Variants in PTPN13 observed in about 807,000 individuals in gnomAD.
The protein encoded by PTPN13 is protein tyrosine phosphatase non-receptor type 13, also known as tyrosine-protein phosphatase non-receptor type 13.
In PTPN13, 191 loss-of-function variants were observed where a neutral mutation model predicts 284.0. The observed-to-expected ratio is 0.67, with a 90% CI of 0.60 to 0.76. The LOEUF is 0.76. Ranked by LOEUF, PTPN13 falls within the 30% of genes least tolerant of loss-of-function variation. The pLI, the probability that PTPN13 is intolerant of heterozygous loss-of-function variation, is 0.00. For synonymous variants in PTPN13, 986 were observed against 1,022.3 expected (o/e 0.96, Z 0.68); for missense variants, 2,797 against 2,939.9 (o/e 0.95, Z 1.12).
chr4:86,766,660 A>G (rs1284510927), intron 27 of PTPN13, 143 bp downstream of exon 27: 15 of 500,824 alleles, frequency 3.0e-5, no homozygotes, highest in Non-Finnish European at 4.6e-5. Context: ...TGGGTTGTTG[A>G]TTTTTCCTTC....
intron 40 of PTPN13, 111 bp from the exon 41 acceptor site, chr4:86,796,763 A>G: frequency 2.9e-6 from 2 of 695,758 alleles, no homozygotes; most frequent in East Asian, 5.6e-5. Context: ...TCTTTGTAAT[A>G]TAAGGATGAA....
chr4:86,653,668 A>G lies in PTPN13; in HGVS notation c.115+18297A>G, dbSNP rs562244797. On this transcript the variant is annotated intron_variant, in intron 2 of 47. Coordinates refer to ENST00000411767, the MANE Select transcript of PTPN13 (RefSeq NM_080683.3). The stretch of plus-strand genomic sequence containing the variant: ...ATAAAATACTCCAAACATAAATTCA[A>G]CATTGCATGCAGCAACTGGCCATTT... Among the ~76,000 whole-genome samples, 407 of 152,282 alleles carry G rather than the reference A, an allele frequency of 2.7e-3. 2 individuals are homozygous for G. Among genetic ancestry groups the G allele is most frequent in the African/African-American group, 9.3e-3 (387 of 41,554 alleles).
chr4:86,750,942 G>C (rs1471722076), intron 18 of PTPN13, 55 bp downstream of exon 18: 30 of 1,569,520 alleles, frequency 1.9e-5, no homozygotes, highest in Non-Finnish European at 2.6e-5. Flanking sequence ...CATTTCATAC[G>C]TTTCTTTTTG....
At chr4:86,803,992 T>C in intron 43 of PTPN13, 135 bp downstream of exon 43, 1 of 878,600 alleles carries the variant, frequency 1.1e-6, no homozygotes, top group Non-Finnish European at 1.7e-6. Flanking sequence ...TTATCATATC[T>C]AGCAGAAAAT....
chr4:86,671,007 A>G (rs1377681038), intron 2 of PTPN13, among the ~76,000 whole-genome samples: 4 of 152,234 alleles, frequency 2.6e-5, no homozygotes, highest in African/African-American at 7.2e-5. Context: ...CCATTGGTCT[A>G]TAACACCACT....
At chr4:86,655,566 G>A (rs1396508541) in intron 2 of PTPN13, among the ~76,000 whole-genome samples, 2 of 152,142 alleles carry the variant, frequency 1.3e-5, no homozygotes, top group Non-Finnish European at 2.9e-5. Context: ...GTTGAATATT[G>A]GCCCCCACTC....
chr4:86,732,836 A>T, intron 12 of PTPN13, 70 bp downstream of exon 12: 1 of 1,297,534 alleles, frequency 7.7e-7, no homozygotes, highest in Non-Finnish European at 1.0e-6. Context: ...TATGTTTGTT[A>T]CCATGCCTGA....
At position 86,783,681 on chromosome 4, in the gene PTPN13, A is replaced by AC. The variant is rs1741585420; in HGVS notation, c.6025-782dup. Reference sequence around the variant, plus strand: ...TATTTTTTAAAATTCTATTGCATCTACCATGTGTACTTTTTATCTTAATAG... The same window carrying AC: ...TATTTTTTAAAATTCTATTGCATCTACCCATGTGTACTTTTTATCTTAATAG... On this transcript the variant is annotated intron_variant, in intron 37 of 47. Transcript: ENST00000411767. 2.6e-5 allele frequency among the ~76,000 whole-genome samples: 4 copies of AC among 152,196 alleles called. No individual in the cohort carries two copies. In the South Asian group the frequency reaches 8.3e-4, roughly 31 times the overall value.
intron 32 of PTPN13, 55 bp downstream of exon 32, chr4:86,773,013 T>TA (rs1740181396): frequency 1.5e-6 from 2 of 1,324,820 alleles, no homozygotes; most frequent in Admixed American, 5.8e-5. Flanking sequence ...AAAGAAGGTG[T>TA]GTTCATAAAG....
chr4:86,651,590 A>G (rs1725080522), intron 2 of PTPN13, among the ~76,000 whole-genome samples: 1 of 152,206 alleles, frequency 6.6e-6, no homozygotes, highest in South Asian at 2.1e-4. Context: ...AGCAGAATTC[A>G]GCAGTGAAGC....
intron 41 of PTPN13, 150 bp downstream of exon 41, chr4:86,797,079 C>A (rs1743423899): frequency 5.1e-6 from 3 of 589,346 alleles, no homozygotes; most frequent in African/African-American, 3.9e-5. Context: ...AATTTTCGGG[C>A]CAGGTGCGGT....
chr4:86,788,144 T>G (rs951207009), intron 40 of PTPN13, among the ~76,000 whole-genome samples: 1 of 152,186 alleles, frequency 6.6e-6, no homozygotes, highest in African/African-American at 2.4e-5. Context: ...TTTAAAAATT[T>G]TATTTGTATC....
intron 1 of PTPN13, among the ~76,000 whole-genome samples, chr4:86,633,392 A>G (rs977256770): frequency 6.6e-6 from 1 of 152,058 alleles, no homozygotes; most frequent in Non-Finnish European, 1.5e-5. Context: ...TAAAGTGTGT[A>G]TTAGGCACTG....
rs760695184 is a variant in PTPN13 at position 86,772,833 on chromosome 4, T to C, written c.5224T>C (p.Ser1742Pro). 39 of 1,613,410 alleles carry C rather than the reference T, an allele frequency of 2.4e-5. No homozygotes were observed. The Middle Eastern group carries it at 4.9e-4, about 20-fold the overall frequency. Residue 1742 changes from serine (S) to proline (P), a missense_variant, in exon 32 of 48, where the codon TCA (serine) becomes CCA (proline). By Grantham distance (74) the Ser-to-Pro change is moderately conservative (BLOSUM62 -1). Coordinates refer to ENST00000411767, the MANE Select transcript of PTPN13 (RefSeq NM_080683.3). ...MAPGQSYQPQ[S>P]ESASSSSMDK... ...TCCTGGGCAGAGTTATCAACCCCAA[T>C]CAGAATCTGCTTCCTCTAGTTCGAT...
At chr4:86,736,717 C>T (rs1389572772) in intron 15 of PTPN13, among the ~76,000 whole-genome samples, 1 of 152,126 alleles carries the variant, frequency 6.6e-6, no homozygotes, top group Non-Finnish European at 1.5e-5. Flanking sequence ...AAAGAATTTG[C>T]ATGAGGATTT....
At chr4:86,689,888 G>C in intron 5 of PTPN13, 3 of 603,620 alleles carry the variant, frequency 5.0e-6, no homozygotes, top group East Asian at 5.5e-5. Flanking sequence ...TTATCCTTAG[G>C]GTTGTAGTCC....
chr4:86,754,702 C>T (rs182721937), intron 20 of PTPN13, among the ~76,000 whole-genome samples: 1 of 152,132 alleles, frequency 6.6e-6, no homozygotes, highest in Non-Finnish European at 1.5e-5. Flanking sequence ...GGATAATAAT[C>T]TATTCAAGTA....
chr4:86,677,184 G>A lies in PTPN13; in HGVS notation c.294+4641G>A, dbSNP rs997472535. On this transcript the variant is annotated intron_variant, in intron 3 of 47. Coordinates refer to ENST00000411767, the MANE Select transcript of PTPN13 (RefSeq NM_080683.3). Reference sequence around the variant, plus strand: ...TGCGAGGCTGAGGCAGGAGAATGGCGTGAACCTGGGAGGCAGAGCTTGCAG... The same window carrying A: ...TGCGAGGCTGAGGCAGGAGAATGGCATGAACCTGGGAGGCAGAGCTTGCAG... Among the ~76,000 whole-genome samples the A allele has an allele frequency of 4.0e-5, 6 of 151,840 alleles. No individual in the cohort carries two copies. In the East Asian group the frequency reaches 5.9e-4, roughly 15 times the overall value.
Position 86,796,893 on chromosome 4 carries a change from G to A in PTPN13, c.6365G>A (p.Cys2122Tyr), listed in dbSNP as rs761040655. Reference sequence around the variant, plus strand: ...TTGTAGGCCACCAAAATGAATGGCTGTGAAGAATATTGTGAAGAAAAAGTA... The same window carrying A: ...TTGTAGGCCACCAAAATGAATGGCTATGAAGAATATTGTGAAGAAAAAGTA... ...YFTEATKMNGCEEYCEEKVKS... is the reference protein window; with the variant it reads ...YFTEATKMNGYEEYCEEKVKS... Residue 2122 changes from cysteine to tyrosine, a missense_variant, in exon 41 of 48, where the codon TGT (cysteine) becomes TAT (tyrosine). By Grantham distance (194) the Cys-to-Tyr change is radical (BLOSUM62 -2). Coordinates refer to ENST00000411767, the MANE Select transcript of PTPN13 (RefSeq NM_080683.3). The A allele has an allele frequency of 2.1e-5, 32 of 1,490,314 alleles. No homozygotes were observed. Among genetic ancestry groups the A allele is most frequent in the African/African-American group, 2.1e-4 (15 of 72,044 alleles). 92.3% of individuals were successfully genotyped at this position (1,490,314 alleles called of 1,614,324 possible). A position where few individuals can be genotyped will look rare whatever the true frequency, so the allele number is the denominator to read the frequency against.
Sources: gnomAD v4.1 joint callset for allele counts (sites outside exome capture counted in the v4.1 genomes callset) on GRCh38, gnomAD v4.1.1 for gene constraint, MANE v1.5 for transcripts, NCBI Gene and HGNC (gene_info 2026-07-23, HGNC 2026-07-21) for gene names.